The following TACC1 variants were observed in gnomAD, a reference collection of about 807,000 sequenced individuals.
TACC1 encodes the protein transforming acidic coiled-coil containing protein 1.
Under a neutral mutation model 84.4 loss-of-function variants are expected in TACC1, and 48 were observed. The ratio of observed to expected loss-of-function variants is 0.57; its 90% confidence interval spans 0.45 to 0.72. TACC1 has a LOEUF of 0.72. Among genes scored for constraint, TACC1 ranks in the 30% least tolerant of loss-of-function variants. The pLI is 0.00. For missense variants in TACC1, 920 were observed against 973.0 expected, an observed-to-expected ratio of 0.95 and a Z score of 0.72; for synonymous variants, 372 against 376.3, an observed-to-expected ratio of 0.99 and a Z score of 0.13.
intron 2 of TACC1, among the ~76,000 whole-genome samples, chr8:38,807,526 G>T (rs1483766970): frequency 6.6e-6 from 1 of 152,122 alleles, no homozygotes; most frequent in Non-Finnish European, 1.5e-5. Flanking sequence ...TTAAAATCTG[G>T]GAGGGAAAAG....
chr8:38,803,622 GT>G (rs1821945359), intron 2 of TACC1, among the ~76,000 whole-genome samples: 2 of 152,228 alleles, frequency 1.3e-5, no homozygotes, highest in South Asian at 4.2e-4. Context: ...CTGTTTGTTT[GT>G]GGTGTATAAT....
chr8:38,835,034 G>A (rs1829950044), intron 6 of TACC1, among the ~76,000 whole-genome samples: 1 of 152,120 alleles, frequency 6.6e-6, no homozygotes, highest in Non-Finnish European at 1.5e-5. Flanking sequence ...CAGGCAGATT[G>A]CAAGGTCAGG....
At chr8:38,831,011 T>G (rs112789596) in intron 5 of TACC1, 114 bp from the exon 6 acceptor site, 7 of 860,424 alleles carry the variant, frequency 8.1e-6, no homozygotes, top group African/African-American at 3.4e-5. Flanking sequence ...CTTAAAATGC[T>G]TTTCATGTGT....
Position 38,849,885 on chromosome 8 carries a change from C to T in TACC1, c.*1862C>T, listed in dbSNP as rs1564026123. Reference sequence around the variant, plus strand: ...CATAGTACCAAGGGCACGTGTCTCCCCTTGGTATAACTGATTTCCTTTTTA... The same window carrying T: ...CATAGTACCAAGGGCACGTGTCTCCTCTTGGTATAACTGATTTCCTTTTTA... On this transcript the variant is annotated 3_prime_UTR_variant, in exon 13 of 13. Transcript: ENST00000317827. The T allele has an allele frequency of 1.3e-5, 2 of 152,550 alleles. No homozygotes were observed. Among genetic ancestry groups the T allele is most frequent in the Non-Finnish European group, 2.9e-5 (2 of 68,026 alleles). The allele number at this position is 152,550 out of a possible 1,614,324, so 9.4% of individuals were successfully genotyped here.
intron 2 of TACC1, among the ~76,000 whole-genome samples, chr8:38,808,488 C>T (rs771793259): frequency 8.5e-5 from 13 of 152,230 alleles, no homozygotes; most frequent in Non-Finnish European, 1.8e-4. Context: ...TCATAGATTA[C>T]CGCAGCCTCC....
intron 1 of TACC1, among the ~76,000 whole-genome samples, chr8:38,739,007 C>T (rs1333553369): frequency 6.6e-6 from 1 of 152,238 alleles, no homozygotes; most frequent in Non-Finnish European, 1.5e-5. Context: ...TCTCCTGCCT[C>T]AGCCTCCTGA....
At position 38,739,293 on chromosome 8, in the gene TACC1, C is replaced by A. The variant is rs146994559; in HGVS notation, c.-674-3058C>A. Among the ~76,000 whole-genome samples the A allele has an allele frequency of 1.2e-3, 190 of 152,332 alleles. 1 individual carries two copies. The highest frequency in any genetic ancestry group is 4.5e-3 in the African/African-American group (185 of 41,558). ...ATGGGTCACTGTAGACCTCCCCTTG[C>A]TTACCTGTAACTTTCCACTACAACC... On this transcript the variant is annotated intron_variant, in intron 1 of 14. Transcript: ENST00000518415.
chr8:38,789,160 G>C (rs1354914638), intron 2 of TACC1, among the ~76,000 whole-genome samples: 1 of 152,126 alleles, frequency 6.6e-6, no homozygotes, highest in African/African-American at 2.4e-5. Context: ...TTTCTACTGG[G>C]GTGTGGCTGG....
rs528698749 is a variant in TACC1, at chr8:38,810,739, A to G, written c.278-8783A>G. 2.0e-5 allele frequency among the ~76,000 whole-genome samples: 3 copies of G among 152,358 alleles called. No homozygotes were observed. In the South Asian group the frequency reaches 6.2e-4, roughly 32 times the overall value. Reference sequence around the variant, plus strand: ...AATTACGATGATCACATCTATATCCATGGCTCTGGTGATGTCAAATATTAT... The same window carrying G: ...AATTACGATGATCACATCTATATCCGTGGCTCTGGTGATGTCAAATATTAT... On this transcript the variant is annotated intron_variant, in intron 2 of 12. Coordinates refer to ENST00000317827, the MANE Select transcript of TACC1 (RefSeq NM_006283.3).
chr8:38,747,624 A>G (rs1808308824), intron 3 of TACC1, among the ~76,000 whole-genome samples: 1 of 152,228 alleles, frequency 6.6e-6, no homozygotes, highest in Admixed American at 6.5e-5. Flanking sequence ...GGATGGGTCA[A>G]ACTATACGAC....
chr8:38,812,491 T>C (rs1436098508), intron 2 of TACC1, among the ~76,000 whole-genome samples: 1 of 152,218 alleles, frequency 6.6e-6, no homozygotes, highest in Non-Finnish European at 1.5e-5. Flanking sequence ...CGTTGAAATA[T>C]TGGGGGTGGA....
In TACC1 at chr8:38,838,328, T is replaced by C; in HGVS notation, c.1840-142T>C. 3 of 581,126 alleles carry C rather than the reference T, an allele frequency of 5.2e-6. No individual in the cohort carries two copies. In the South Asian group the frequency reaches 6.5e-5, roughly 13 times the overall value. 36.0% of individuals were successfully genotyped at this position (581,126 alleles called of 1,614,324 possible). A position where few individuals can be genotyped will look rare whatever the true frequency, so the allele number is the denominator to read the frequency against. ...GCTTAGAATACACTTTTCCAAATGG[T>C]TACAAACATTTAATATTGAAGTTTA... On this transcript the variant is annotated intron_variant, in intron 7 of 12. Coordinates refer to ENST00000317827, the MANE Select transcript of TACC1 (RefSeq NM_006283.3).
chr8:38,739,227 A>G (rs975204143), intron 1 of TACC1, among the ~76,000 whole-genome samples: 7 of 152,216 alleles, frequency 4.6e-5, no homozygotes, highest in Non-Finnish European at 5.9e-5. Context: ...TAAGCTAAAC[A>G]TGAATTCATA....
In TACC1 at chr8:38,741,892, TA is replaced by T. The variant is rs889087309; in HGVS notation, c.-674-450del. On this transcript the variant is annotated intron_variant, in intron 1 of 14. Coordinates refer to the TACC1 transcript ENST00000518415. ...GCCAGGGCATAAAAAATAGCCTGTT[TA>T]AAAAAAAATCAATAAAAATCTCAGA... Among the ~76,000 whole-genome samples the T allele has an allele frequency of 1.7e-4, 26 of 151,968 alleles. No homozygotes were observed. The East Asian group carries it at 4.4e-3, about 26-fold the overall frequency.
rs777866032 is a variant in TACC1, at chr8:38,838,523, C to T, written c.1893C>T (p.Thr631=). 2.5e-6 allele frequency: 4 copies of T among 1,613,606 alleles called. No individual in the cohort carries two copies. In the African/African-American group the frequency reaches 4.0e-5, roughly 16 times the overall value. ...AATGGAAGAAGAAATACGAAGAGAC[C>T]CGGCAAGAAGTTTTGGAGATGAGGT... The part of the protein sequence containing the change: ...ANEWKKKYEE[T]RQEVLEMRKI... Residue 631 remains threonine (T), a synonymous_variant, in exon 8 of 13, where the codon ACC becomes ACT. Transcript: ENST00000317827.
intron 3 of TACC1, among the ~76,000 whole-genome samples, chr8:38,747,315 C>T (rs1225198403): frequency 6.6e-6 from 1 of 152,194 alleles, no homozygotes; most frequent in African/African-American, 2.4e-5. Context: ...CAAAACGAAA[C>T]ATACTTTTAC....
At chr8:38,801,917 GT>G (rs1488333405) in intron 2 of TACC1, among the ~76,000 whole-genome samples, 1 of 152,050 alleles carries the variant, frequency 6.6e-6, no homozygotes, top group Non-Finnish European at 1.5e-5. Context: ...TGTTGTTGTT[GT>G]TTGTTTGTTT....
chr8:38,744,762 C>A (rs1160845436), intron 2 of TACC1: 1 of 141,614 alleles, frequency 7.1e-6, no homozygotes, highest in Non-Finnish European at 1.5e-5. Flanking sequence ...CAAGTCCACA[C>A]AGGACAGCTG....
intron 1 of TACC1, among the ~76,000 whole-genome samples, chr8:38,730,421 A>T (rs1179038699): frequency 6.6e-6 from 1 of 152,240 alleles, no homozygotes; most frequent in Non-Finnish European, 1.5e-5. Flanking sequence ...GAACTACATG[A>T]TCAATAATTG....
Sources: gnomAD v4.1 joint callset for allele counts (sites outside exome capture counted in the v4.1 genomes callset) on GRCh38, gnomAD v4.1.1 for gene constraint, MANE v1.5 for transcripts, NCBI Gene and HGNC (gene_info 2026-07-23, HGNC 2026-07-21) for gene names.